PCM1: variants seen among roughly 807,000 people sequenced by gnomAD.
The protein encoded by PCM1 is pericentriolar material 1.
A neutral mutation model predicts 241.9 loss-of-function variants in PCM1; 157 were observed. That is an observed-to-expected ratio of 0.65 (90% CI 0.57 to 0.74). The LOEUF (loss-of-function observed/expected upper bound fraction) is 0.74, where lower values mean the gene tolerates loss of function less well. Among genes scored for constraint, PCM1 ranks in the 30% least tolerant of loss-of-function variants. PCM1 has a pLI of 0.00. For synonymous variants in PCM1, 1,085 were observed against 784.9 expected, an observed-to-expected ratio of 1.38 and a Z score of -6.39; for missense variants, 3,478 against 2,360.1, an observed-to-expected ratio of 1.47 and a Z score of -9.81.
At chr8:17,983,719 T>A (rs1435568936) in intron 24 of PCM1, among the ~76,000 whole-genome samples, 1 of 152,166 alleles carries the variant, frequency 6.6e-6, no homozygotes, top group Non-Finnish European at 1.5e-5. Flanking sequence ...TAAATAAAGA[T>A]CATGGAAATT....
rs1481479887 is a variant in PCM1, at chr8:17,957,304, C to A, written c.1687C>A (p.His563Asn). ...TTCCACTTGGAATGAAGTAAATAGT[C>A]ATAGTAATGCACAGTGTGTTTCTAA... The part of the protein sequence containing the change: ...VASTWNEVNS[H>N]SNAQCVSNNR... The change falls in exon 12 of 39, where the codon CAT (histidine) becomes AAT (asparagine). Residue 563 changes from histidine to asparagine, a missense_variant. His to Asn is a moderately conservative substitution (Grantham distance 68). Coordinates refer to ENST00000325083, the MANE Select transcript of PCM1 (RefSeq NM_006197.4). The A allele has an allele frequency of 6.2e-7, 1 of 1,609,220 alleles. No homozygotes were observed. The highest frequency in any genetic ancestry group is 2.2e-5 in the East Asian group (1 of 44,806).
chr8:17,924,317 G>C (rs2055971293), intron 1 of PCM1, among the ~76,000 whole-genome samples: 1 of 152,194 alleles, frequency 6.6e-6, no homozygotes, highest in South Asian at 2.1e-4. Context: ...AAGTACAGTA[G>C]CTTTTAAATG....
intron 22 of PCM1, 67 bp from the exon 23 acceptor site, chr8:17,972,262 T>G: frequency 1.1e-6 from 1 of 875,098 alleles, no homozygotes; most frequent in Non-Finnish European, 1.7e-6. Context: ...AGACTATAAA[T>G]TCAGTGTATT....
intron 36 of PCM1, among the ~76,000 whole-genome samples, chr8:18,024,651 G>A (rs1241853086): frequency 6.6e-6 from 1 of 152,152 alleles, no homozygotes; most frequent in Non-Finnish European, 1.5e-5. Flanking sequence ...CCTACTGAAT[G>A]TTTTTGTGCA....
chr8:17,959,694 G>A (rs1297550549), intron 13 of PCM1, among the ~76,000 whole-genome samples: 4 of 152,114 alleles, frequency 2.6e-5, no homozygotes, highest in Non-Finnish European at 5.9e-5. Context: ...GCAGTGGTAT[G>A]TGAGAGTTCG....
intron 2 of PCM1, chr8:17,926,044 A>C (rs1207534522): frequency 6.6e-6 from 1 of 152,036 alleles, no homozygotes; most frequent in Non-Finnish European, 1.5e-5. Flanking sequence ...GGGCAAGAAA[A>C]ATGGAACTCA....
At chr8:17,949,149 C>T (rs181079417) in intron 7 of PCM1, among the ~76,000 whole-genome samples, 1 of 152,026 alleles carries the variant, frequency 6.6e-6, no homozygotes, top group African/African-American at 2.4e-5. Flanking sequence ...GAACTTCATA[C>T]TATTTCAAAA....
intron 21 of PCM1, among the ~76,000 whole-genome samples, chr8:17,968,762 G>GTGTGTGTGTGTGTGTGTATA (rs373502456): frequency 8.8e-5 from 12 of 136,780 alleles, no homozygotes; most frequent in African/African-American, 2.7e-4. Context: ...GTGTGTGTGT[G>GTGTGTGTGTGTGTGTGTATA]TATATATATA....
At chr8:17,924,002 G>GTTT (rs1301535556) in intron 1 of PCM1, among the ~76,000 whole-genome samples, 4 of 82,560 alleles carry the variant, frequency 4.8e-5, no homozygotes, top group Non-Finnish European at 9.8e-5. Flanking sequence ...TTTTTGTTTT[G>GTTT]TTTTGTTTTT....
chr8:17,953,260 A>G (rs1438330399), intron 9 of PCM1, 74 bp downstream of exon 9: 6 of 703,816 alleles, frequency 8.5e-6, no homozygotes, highest in Non-Finnish European at 1.1e-5. Flanking sequence ...TAAATTTAGT[A>G]TTTGGTGAAT....
intron 29 of PCM1, among the ~76,000 whole-genome samples, chr8:17,996,895 A>G (rs979389436): frequency 5.9e-5 from 9 of 152,088 alleles, no homozygotes; most frequent in South Asian, 4.1e-4. Flanking sequence ...TGTAGCTACT[A>G]TTTTTGGTTG....
rs528235250 is a variant in PCM1, at chr8:18,011,809, A to G, written c.5493A>G (p.Glu1831=). 3.7e-6 allele frequency: 6 copies of G among 1,613,120 alleles called. No homozygotes were observed. The African/African-American group carries it at 6.7e-5, about 18-fold the overall frequency. The stretch of plus-strand genomic sequence containing the variant: ...AGGCTAACACTGAAGCTACTGAAGA[A>G]AATGAACATGATGAACAGGTATTCC... ...SLQANTEATE[E]NEHDEQVLQR... is the part of the protein sequence containing the mutation. Residue 1831 remains glutamate (E), a synonymous_variant, in exon 34 of 39, where the codon GAA becomes GAG. Coordinates refer to ENST00000325083, the MANE Select transcript of PCM1 (RefSeq NM_006197.4).
rs1487263857 is a variant in PCM1, at chr8:17,985,489, C to G, written c.4151C>G (p.Thr1384Ser). Residue 1384 changes from threonine (T) to serine (S), a missense_variant, in exon 25 of 39, where the codon ACT becomes AGT. Thr to Ser is a moderately conservative substitution (Grantham distance 58). Coordinates refer to ENST00000325083, the MANE Select transcript of PCM1 (RefSeq NM_006197.4). ...TCCATGTTTGAAGCTTTGCGAGATA[C>G]TATTTATTCTGAAGTAGCTACATTA... ...DFSMFEALRD[T>S]IYSEVATLIS... 1 of 1,567,216 alleles carries G rather than the reference C, an allele frequency of 6.4e-7. No individual in the cohort carries two copies. Among genetic ancestry groups the G allele is most frequent in the Non-Finnish European group, 8.7e-7 (1 of 1,153,572 alleles).
intron 36 of PCM1, among the ~76,000 whole-genome samples, chr8:18,022,048 C>A (rs2093797282): frequency 6.6e-6 from 1 of 152,088 alleles, no homozygotes; most frequent in Non-Finnish European, 1.5e-5. Flanking sequence ...GAAAAATTGC[C>A]CTTGAGCCTC....
At chr8:17,995,115 G>A (rs2086203968) in intron 29 of PCM1, among the ~76,000 whole-genome samples, 1 of 151,356 alleles carries the variant, frequency 6.6e-6, no homozygotes, top group Non-Finnish European at 1.5e-5. Flanking sequence ...CCAATGTCCT[G>A]CAGAGTTTCC....
At chr8:17,964,844 A>G in intron 18 of PCM1, 76 bp downstream of exon 18, 1 of 1,074,522 alleles carries the variant, frequency 9.3e-7, no homozygotes, top group African/African-American at 1.5e-5. Flanking sequence ...GCACTTCTGC[A>G]GTTCTCCAAG....
chr8:17,981,387 G>A (rs2080739260), intron 24 of PCM1, among the ~76,000 whole-genome samples: 2 of 152,222 alleles, frequency 1.3e-5, no homozygotes, highest in African/African-American at 4.8e-5. Flanking sequence ...CCTTTCTCCT[G>A]TTTTCCTTGT....
At position 17,957,268 on chromosome 8, in the gene PCM1, C is replaced by T. The variant is rs780029436; in HGVS notation, c.1651C>T (p.Pro551Ser). 15 of 1,580,928 alleles carry T rather than the reference C, an allele frequency of 9.5e-6. No individual in the cohort carries two copies. In the Admixed American group the frequency reaches 2.7e-4, roughly 28 times the overall value. Residue 551 changes from proline to serine, a missense_variant, in exon 12 of 39, where the codon CCA becomes TCA. By Grantham distance (74) the Pro-to-Ser change is moderately conservative. Transcript: ENST00000325083. Reference protein sequence around the residue: ...NSEPVTNIRNPQVASTWNEVN... With the variant: ...NSEPVTNIRNSQVASTWNEVN... ...AGGCTGTTTTCTTTCTTCTAGAAAT[C>T]CACAAGTAGCTTCCACTTGGAATGA...
intron 29 of PCM1, among the ~76,000 whole-genome samples, chr8:17,998,287 AG>A (rs2087756816): frequency 6.6e-6 from 1 of 151,356 alleles, no homozygotes; most frequent in Non-Finnish European, 1.5e-5. Flanking sequence ...AGTTATATAT[AG>A]GCCTTGTATC....
Sources: gnomAD v4.1 joint callset for allele counts (sites outside exome capture counted in the v4.1 genomes callset) on GRCh38, gnomAD v4.1.1 for gene constraint, MANE v1.5 for transcripts, NCBI Gene and HGNC (gene_info 2026-07-23, HGNC 2026-07-21) for gene names.